The following POLR3A variants were observed in gnomAD, a reference collection of about 807,000 sequenced individuals.
POLR3A encodes the protein DNA-directed RNA polymerase III subunit RPC1.
Under a neutral mutation model 152.8 loss-of-function variants are expected in POLR3A, and 112 were observed. The ratio of observed to expected loss-of-function variants is 0.73; its 90% confidence interval spans 0.63 to 0.86. POLR3A has a LOEUF of 0.86. Among genes scored for constraint, POLR3A ranks in the 40% least tolerant of loss-of-function variants. The pLI, the probability that POLR3A is intolerant of heterozygous loss-of-function variation, is 0.00. For missense variants in POLR3A, 1,385 were observed against 1,743.1 expected (o/e 0.79, Z 3.66); for synonymous variants, 615 against 652.1 (o/e 0.94, Z 0.87).
intron 17 of POLR3A, among the ~76,000 whole-genome samples, chr10:78,001,992 C>T (rs1847361731): frequency 6.6e-6 from 1 of 152,160 alleles, no homozygotes; most frequent in Admixed American, 6.5e-5. Context: ...CACCCTCAAA[C>T]TCAGAATCCA....
intron 11 of POLR3A, among the ~76,000 whole-genome samples, chr10:78,010,760 A>G (rs1847459450): frequency 6.6e-6 from 1 of 152,200 alleles, no homozygotes; most frequent in African/African-American, 2.4e-5. Flanking sequence ...AGATTGACCT[A>G]GGAGGGTCCT....
intron 7 of POLR3A, 48 bp from the exon 8 acceptor site, chr10:78,021,730 TC>T (rs753617050): frequency 3.7e-6 from 6 of 1,611,122 alleles, no homozygotes; most frequent in Non-Finnish European, 5.1e-6. Flanking sequence ...TACCATGTGC[TC>T]ATGGGAACAA....
At chr10:77,991,318 A>G in intron 20 of POLR3A, 151 bp from the exon 21 acceptor site, 1 of 676,722 alleles carries the variant, frequency 1.5e-6, no homozygotes, top group Middle Eastern at 2.5e-4. Flanking sequence ...TGTGGACTCT[A>G]CCTTTCATGT....
intron 30 of POLR3A, 145 bp from the exon 31 acceptor site, chr10:77,977,771 C>G (rs898775265): frequency 1.4e-6 from 1 of 734,356 alleles, no homozygotes; most frequent in African/African-American, 1.7e-5. Context: ...AAATCCCTTT[C>G]CTTCCCATCT....
At chr10:78,002,481 G>T (rs553677568) in intron 16 of POLR3A, among the ~76,000 whole-genome samples, 173 bp from the exon 17 acceptor site, 4 of 152,330 alleles carry the variant, frequency 2.6e-5, no homozygotes, top group African/African-American at 9.6e-5. Context: ...ATATGAACAT[G>T]TACATCTTCT....
At chr10:77,996,149 C>T (rs952532256) in intron 19 of POLR3A, among the ~76,000 whole-genome samples, 8 of 152,026 alleles carry the variant, frequency 5.3e-5, no homozygotes, top group East Asian at 3.9e-4. Context: ...ATCTCTGGGA[C>T]GCATTCAAAG....
At chr10:77,990,025 C>T (rs1201057577) in intron 21 of POLR3A, among the ~76,000 whole-genome samples, 2 of 152,172 alleles carry the variant, frequency 1.3e-5, no homozygotes, top group African/African-American at 2.4e-5. Flanking sequence ...GCTTCACTCG[C>T]TGTTTTTATT....
chr10:78,017,840 A>C, intron 9 of POLR3A, 124 bp from the exon 10 acceptor site: 3 of 1,120,846 alleles, frequency 2.7e-6, no homozygotes, highest in Non-Finnish European at 4.0e-6. Flanking sequence ...CTCCATTTTA[A>C]TGTCATATAG....
chr10:78,009,623 C>T lies in POLR3A; in HGVS notation c.1823G>A (p.Ser608Asn), dbSNP rs1324939166. The change falls in exon 14 of 31, where the codon AGC (serine) becomes AAC (asparagine). Residue 608 changes from serine to asparagine, a missense_variant. Around this residue, in one of 7 missense-constraint regions of POLR3A, gnomAD observed 188 missense variants for 179.9 expected, o/e 1.04. Coordinates refer to ENST00000372371, the MANE Select transcript of POLR3A (RefSeq NM_007055.4). ...GTTGGCCCTCACTGGATTGTCATCG[C>T]TAGGCCTGAGGATGACACTGAAGAT... ...KQIFSVILRP[S>N]DDNPVRANLR... is the part of the protein sequence containing the mutation. 7 of 1,614,148 alleles carry T rather than the reference C, an allele frequency of 4.3e-6. No homozygotes were observed. Among genetic ancestry groups the T allele is most frequent in the Admixed American group, 1.7e-5 (1 of 60,014 alleles).
intron 17 of POLR3A, among the ~76,000 whole-genome samples, chr10:78,001,664 T>A (rs1847358657): frequency 6.6e-6 from 1 of 152,212 alleles, no homozygotes; most frequent in African/African-American, 2.4e-5. Context: ...AGAAGAATTA[T>A]GCCACATCAT....
Position 77,985,168 on chromosome 10 carries a change from A to T in POLR3A, c.3242+2T>A. 6.2e-7 allele frequency: 1 copy of T among 1,613,246 alleles called. No homozygotes were observed. The highest frequency in any genetic ancestry group is 1.1e-5 in the South Asian group (1 of 91,080). On this transcript the variant is annotated splice_donor_variant, in intron 24 of 30. Coordinates refer to ENST00000372371, the MANE Select transcript of POLR3A (RefSeq NM_007055.4). LOFTEE classifies it high-confidence loss of function. The stretch of plus-strand genomic sequence containing the variant: ...GAACAAGAAGGAAATGAAAGCAGGC[A>T]CCTGATGGCCTTGGAAGCGTTGATG...
chr10:77,986,186 T>C, intron 21 of POLR3A, 27 bp from the exon 22 acceptor site: 1 of 1,092,660 alleles, frequency 9.2e-7, no homozygotes, highest in Non-Finnish European at 1.4e-6. Context: ...CAAACATCAT[T>C]TGTAAGTTTC....
chr10:77,982,188 T>C lies in POLR3A; in HGVS notation c.3725A>G (p.Lys1242Arg). ...LRAVMATHGV[K>R]GTRTTSNNTY... is the part of the protein sequence containing the mutation. ...GTTATTGGAGGTGGTTCGGGTGCCC[T>C]TCACACCGTGTGTGGCCATGACTGC... The change falls in exon 28 of 31, where the codon AAG becomes AGG. Residue 1242 changes from lysine to arginine, a missense_variant. By Grantham distance (26) the Lys-to-Arg change is conservative. Transcript: ENST00000372371. 1 of 1,614,044 alleles carries C rather than the reference T, an allele frequency of 6.2e-7. No homozygotes were observed.
intron 11 of POLR3A, among the ~76,000 whole-genome samples, chr10:78,011,801 C>G (rs1332440750): frequency 6.6e-6 from 1 of 152,146 alleles, no homozygotes; most frequent in Admixed American, 6.5e-5. Flanking sequence ...TAAATCAGAA[C>G]GATAGGTATT....
intron 20 of POLR3A, 121 bp downstream of exon 20, chr10:77,993,076 G>A (rs1314881867): frequency 1.2e-6 from 1 of 834,252 alleles, no homozygotes; most frequent in African/African-American, 1.7e-5. Context: ...TACTAATCCA[G>A]TGCTTGGGAT....
In POLR3A at chr10:77,980,529, CT is replaced by C. The variant is rs550075782; in HGVS notation, c.3892-257del. Among the ~76,000 whole-genome samples, 44 of 151,742 alleles carry C rather than the reference CT, an allele frequency of 2.9e-4. 1 individual carries two copies. In the South Asian group the frequency reaches 9.1e-3, roughly 32 times the overall value. On this transcript the variant is annotated intron_variant, in intron 29 of 30. Transcript: ENST00000372371. ...TTGAGAACTAGAATTCAGAGACTAACTTTAAAAAAGGGGAGTATTTCTGAAG... is the reference window on the plus strand; with the variant it reads ...TTGAGAACTAGAATTCAGAGACTAACTTAAAAAAGGGGAGTATTTCTGAAG...
In POLR3A at chr10:77,992,173, T is replaced by C. The variant is rs192881936; in HGVS notation, c.2788-1006A>G. On this transcript the variant is annotated intron_variant, in intron 20 of 30. Coordinates refer to ENST00000372371, the MANE Select transcript of POLR3A (RefSeq NM_007055.4). ...TGACTTATAAAACTGGTCTCTAGTA[T>C]GCTCTACTTGACACAGAGCGAAACC... Among the ~76,000 whole-genome samples, 263 of 152,354 alleles carry C rather than the reference T, an allele frequency of 1.7e-3. 1 individual carries two copies. The highest frequency in any genetic ancestry group is 6.0e-3 in the African/African-American group (249 of 41,582).
intron 4 of POLR3A, 32 bp downstream of exon 4, chr10:78,024,939 C>T: frequency 6.2e-7 from 1 of 1,610,102 alleles, no homozygotes; most frequent in Non-Finnish European, 8.5e-7. Flanking sequence ...GTGAAAAGGG[C>T]TATTGCTTAG....
At chr10:78,016,053 G>C (rs1276134966) in intron 10 of POLR3A, among the ~76,000 whole-genome samples, 1 of 152,066 alleles carries the variant, frequency 6.6e-6, no homozygotes, top group Non-Finnish European at 1.5e-5. Flanking sequence ...GTTTGCAAAG[G>C]CTCATGGATT....
Sources: allele counts gnomAD v4.1 joint callset (sites outside exome capture counted in the v4.1 genomes callset), GRCh38; gene constraint gnomAD v4.1.1; regional missense constraint gnomAD v4.1.1; transcripts MANE v1.5; gene names NCBI Gene and HGNC (gene_info 2026-07-23, HGNC 2026-07-21).